IQCK: variants seen among roughly 807,000 people sequenced by gnomAD.
IQCK encodes IQ domain-containing protein K.
A neutral mutation model predicts 28.1 loss-of-function variants in IQCK; 29 were observed. That is an observed-to-expected ratio of 1.03 (90% CI 0.77 to 1.41). The LOEUF is 1.41. IQCK is among the 40% of genes most tolerant of loss of function. The probability of loss-of-function intolerance (pLI) is 0.00; values close to 1 mark genes in which losing one functional copy is unlikely to be tolerated. For synonymous variants in IQCK, 113 were observed against 115.1 expected (o/e 0.98, Z 0.12); for missense variants, 359 against 314.7 (o/e 1.14, Z -1.07).
intron 9 of IQCK, among the ~76,000 whole-genome samples, chr16:19,844,136 G>A (rs1181577551): frequency 6.6e-6 from 1 of 150,378 alleles, no homozygotes; most frequent in Non-Finnish European, 1.5e-5. Flanking sequence ...CTGGAGTGCA[G>A]TGGCACGACC....
chr16:19,827,746 GC>G (rs1300355533), downstream of IQCK, among the ~76,000 whole-genome samples: 1 of 152,126 alleles, frequency 6.6e-6, no homozygotes, highest in East Asian at 1.9e-4. Flanking sequence ...ACTCTGCCTG[GC>G]CATGTGAGCT....
At chr16:19,813,356 A>C (rs979114023) in intron 7 of IQCK, among the ~76,000 whole-genome samples, 9 of 152,356 alleles carry the variant, frequency 5.9e-5, no homozygotes, top group South Asian at 4.1e-4. Flanking sequence ...CTAGATAAAT[A>C]AGGACAAAAC....
chr16:19,762,434 C>G (rs1011259752), intron 4 of IQCK, among the ~76,000 whole-genome samples: 5 of 152,158 alleles, frequency 3.3e-5, no homozygotes, highest in Non-Finnish European at 5.9e-5. Flanking sequence ...CCTGCAATTC[C>G]AAAAGCATGT....
At chr16:19,828,938 TTTAA>T (rs2056191239), downstream of IQCK, among the ~76,000 whole-genome samples, 1 of 143,268 alleles carries the variant, frequency 7.0e-6, no homozygotes, top group South Asian at 2.1e-4. Flanking sequence ...TTAAATATAT[TTTAA>T]TTATTTAATT....
chr16:19,857,600 T>A, exon 10 of IQCK: 1 of 335,820 alleles, frequency 3.0e-6, no homozygotes. Flanking sequence ...TGTAAGCTGG[T>A]ATCATCATTG....
intron 7 of IQCK, among the ~76,000 whole-genome samples, chr16:19,814,368 G>A (rs551492312): frequency 2.0e-5 from 3 of 151,850 alleles, no homozygotes; most frequent in Admixed American, 6.6e-5. Flanking sequence ...TCGCACCATC[G>A]CACTCCAGCC....
chr16:19,730,679 C>T (rs1032888273), intron 2 of IQCK, among the ~76,000 whole-genome samples, 185 bp downstream of exon 2: 8 of 152,230 alleles, frequency 5.3e-5, no homozygotes, highest in African/African-American at 1.7e-4. Flanking sequence ...GAGGGCATCA[C>T]ATAACCTCTT....
intron 6 of IQCK, among the ~76,000 whole-genome samples, chr16:19,780,588 G>A (rs1238689061): frequency 6.6e-6 from 1 of 152,130 alleles, no homozygotes; most frequent in Non-Finnish European, 1.5e-5. Flanking sequence ...AACTTGGAAA[G>A]GGAAGGAAAT....
intron 2 of IQCK, among the ~76,000 whole-genome samples, chr16:19,732,456 G>C (rs1977871408): frequency 6.6e-6 from 1 of 152,154 alleles, no homozygotes; most frequent in East Asian, 1.9e-4. Context: ...GGATTGGGCG[G>C]TGGCGGCAGG....
At chr16:19,785,969 C>T (rs1195774270) in intron 6 of IQCK, among the ~76,000 whole-genome samples, 2 of 152,282 alleles carry the variant, frequency 1.3e-5, no homozygotes, top group East Asian at 1.9e-4. Flanking sequence ...CTTGCAGTCA[C>T]GACCCTCTAC....
intron 7 of IQCK, among the ~76,000 whole-genome samples, chr16:19,808,395 T>C (rs1174068065): frequency 1.3e-5 from 2 of 152,098 alleles, no homozygotes; most frequent in Non-Finnish European, 2.9e-5. Context: ...TAAACCACAC[T>C]CCAGGTTTCA....
At chr16:19,725,816 T>A (rs904000688) in intron 1 of IQCK, among the ~76,000 whole-genome samples, 4 of 152,216 alleles carry the variant, frequency 2.6e-5, no homozygotes. Flanking sequence ...ACTTCATACT[T>A]CTACATAATC....
intron 9 of IQCK, among the ~76,000 whole-genome samples, chr16:19,844,148 C>T (rs1482756001): frequency 2.0e-5 from 3 of 150,922 alleles, no homozygotes; most frequent in African/African-American, 7.3e-5. Context: ...GGCACGACCT[C>T]GGCTCACTGC....
exon 8 of IQCK, chr16:19,827,038 C>T: frequency 3.1e-6 from 5 of 1,613,392 alleles, no homozygotes; most frequent in Non-Finnish European, 4.2e-6. Context: ...TCGCTGTGAT[C>T]CTGAGATTCA....
intron 2 of IQCK, among the ~76,000 whole-genome samples, chr16:19,733,413 A>G (rs1159453368): frequency 1.3e-5 from 2 of 152,152 alleles, no homozygotes; most frequent in African/African-American, 4.8e-5. Context: ...TGCTGGGATT[A>G]CAGGCGTGAG....
intron 6 of IQCK, among the ~76,000 whole-genome samples, chr16:19,785,575 G>C (rs1318466200): frequency 6.6e-6 from 1 of 152,326 alleles, no homozygotes; most frequent in Admixed American, 6.5e-5. Flanking sequence ...GAAATTGGCT[G>C]TCCACAACCA....
At chr16:19,736,588 A>G (rs991935507) in intron 4 of IQCK, among the ~76,000 whole-genome samples, 1 of 152,194 alleles carries the variant, frequency 6.6e-6, no homozygotes, top group Non-Finnish European at 1.5e-5. Context: ...TTCCCTGCAC[A>G]GTTTTGAATT....
exon 10 of IQCK, chr16:19,857,575 CCTGCTGAGAACTCCTGTAAG>C (rs2056577623): frequency 2.8e-6 from 1 of 361,472 alleles, no homozygotes; most frequent in Non-Finnish European, 5.2e-6. Flanking sequence ...ATAAAAAGCA[CCTGCTGAGAACTCCTGTAAG>C]CTGGTATCAT....
chr16:19,774,215 CTT>C (rs890731505), intron 6 of IQCK, among the ~76,000 whole-genome samples: 2 of 152,062 alleles, frequency 1.3e-5, no homozygotes, highest in Non-Finnish European at 2.9e-5. Context: ...AGCTGTGTGA[CTT>C]TGGGCAAAGA....
Sources: gnomAD v4.1 joint callset for allele counts (sites outside exome capture counted in the v4.1 genomes callset) on GRCh38, gnomAD v4.1.1 for gene constraint, MANE v1.5 for transcripts, NCBI Gene and HGNC (gene_info 2026-07-23, HGNC 2026-07-21) for gene names.